CACNB2: variants seen among roughly 807,000 people sequenced by gnomAD.
CACNB2 encodes calcium voltage-gated channel auxiliary subunit beta 2.
CACNB2 carries 42 observed loss-of-function variants against 73.3 expected under a neutral mutation model. The ratio of observed to expected loss-of-function variants is 0.57; its 90% CI spans 0.45 to 0.74. The LOEUF (loss-of-function observed/expected upper bound fraction) is 0.74. CACNB2 is among the 30% of genes least tolerant of loss of function. CACNB2 has a pLI of 0.00. For missense variants in CACNB2, 940 were observed against 853.0 expected (o/e 1.10, Z -1.27); for synonymous variants, 348 against 310.3 (o/e 1.12, Z -1.28).
chr10:18,210,246 A>G (rs1229263573), intron 2 of CACNB2, among the ~76,000 whole-genome samples: 6 of 152,218 alleles, frequency 3.9e-5, no homozygotes, highest in African/African-American at 1.4e-4. Flanking sequence ...TCTTAAGCCA[A>G]TCTAAGTGTG....
intron 4 of CACNB2, among the ~76,000 whole-genome samples, chr10:18,500,611 G>T (rs968890010): frequency 6.6e-6 from 1 of 152,166 alleles, no homozygotes; most frequent in Non-Finnish European, 1.5e-5. Context: ...GACAAGGAAC[G>T]CAGAGCCTTT....
chr10:18,260,462 A>C, intron 2 of CACNB2: 9 of 985,400 alleles, frequency 9.1e-6, no homozygotes, highest in Non-Finnish European at 1.1e-5. Flanking sequence ...GCACCAAACA[A>C]CTGTGCGCCG....
chr10:18,369,279 C>T (rs896335497), intron 2 of CACNB2, among the ~76,000 whole-genome samples: 5 of 152,012 alleles, frequency 3.3e-5, no homozygotes, highest in Non-Finnish European at 4.4e-5. Context: ...TTTTTCTCCC[C>T]GTGAATCAAA....
rs115308745 is a variant in CACNB2, at chr10:18,321,537, A to G, written c.214-80387A>G. The stretch of plus-strand genomic sequence containing the variant: ...ATTTTTAAATCACTTGAAGAGTATA[A>G]ATGGACTGTTTGTAACTCACAGGAC... On this transcript the variant is annotated intron_variant, in intron 2 of 13. Coordinates refer to ENST00000324631, the MANE Select transcript of CACNB2 (RefSeq NM_201596.3). Among the ~76,000 whole-genome samples, 874 of 152,304 alleles carry G rather than the reference A, an allele frequency of 5.7e-3. 10 individuals carry two copies. Among genetic ancestry groups the G allele is most frequent in the African/African-American group, 0.02 (845 of 41,566 alleles).
intron 3 of CACNB2, among the ~76,000 whole-genome samples, chr10:18,421,941 T>C (rs1332837684): frequency 6.6e-6 from 1 of 152,198 alleles, no homozygotes; most frequent in Non-Finnish European, 1.5e-5. Flanking sequence ...CTGTAGTGTT[T>C]AGTCTAGTGT....
At chr10:18,380,964 G>A (rs938291837) in intron 2 of CACNB2, among the ~76,000 whole-genome samples, 3 of 151,966 alleles carry the variant, frequency 2.0e-5, no homozygotes, top group South Asian at 2.1e-4. Flanking sequence ...CCCTATGTGC[G>A]GAAATCTGTA....
chr10:18,381,505 T>G (rs1033321489), intron 2 of CACNB2, among the ~76,000 whole-genome samples: 1 of 151,866 alleles, frequency 6.6e-6, no homozygotes, highest in Non-Finnish European at 1.5e-5. Context: ...CTGGCCAATA[T>G]GGTGAAACCC....
intron 2 of CACNB2, among the ~76,000 whole-genome samples, chr10:18,364,211 C>T (rs866230636): frequency 2.8e-4 from 43 of 151,346 alleles, no homozygotes; most frequent in African/African-American, 9.2e-4. Flanking sequence ...ACCTCAGCCT[C>T]TCAAAGTGCT....
At chr10:18,245,072 A>G (rs564486537) in intron 2 of CACNB2, among the ~76,000 whole-genome samples, 1 of 125,896 alleles carries the variant, frequency 7.9e-6, no homozygotes, top group East Asian at 2.2e-4. Flanking sequence ...TCCAGAAGGA[A>G]CACAGCCTTG....
chr10:18,375,892 G>T (rs984616609), intron 2 of CACNB2, among the ~76,000 whole-genome samples: 5 of 152,096 alleles, frequency 3.3e-5, no homozygotes, highest in Middle Eastern at 3.2e-3. Context: ...TTAATCACTG[G>T]ATTAAAAACC....
In CACNB2 at chr10:18,220,232, TAGAGAGAGAGAG is replaced by T. The variant is rs1169176468; in HGVS notation, c.213+69289_213+69300del. 2.7e-3 allele frequency among the ~76,000 whole-genome samples: 67 copies of T among 25,080 alleles called. 3 individuals are homozygous for T. Among genetic ancestry groups the T allele is most frequent in the African/African-American group, 7.8e-3 (32 of 4,100 alleles). 16.5% of individuals were successfully genotyped at this position (25,080 alleles called of 152,430 possible). A position where few individuals can be genotyped will look rare whatever the true frequency, so the allele number is the denominator to read the frequency against. On this transcript the variant is annotated intron_variant, in intron 2 of 13. Transcript: ENST00000324631. Reference sequence around the variant, plus strand: ...ATATATATATATATATATATATATATAGAGAGAGAGAGAGAGAGAGAGAGAGAGAGAGAGAGA... The same window carrying T: ...ATATATATATATATATATATATATATAGAGAGAGAGAGAGAGAGAGAGAGA...
At chr10:18,384,193 A>G (rs1429292717) in intron 2 of CACNB2, among the ~76,000 whole-genome samples, 2 of 152,176 alleles carry the variant, frequency 1.3e-5, no homozygotes, top group Non-Finnish European at 2.9e-5. Flanking sequence ...GGACCAGCAT[A>G]TGGTGTCTTG....
At chr10:18,486,155 C>G (rs908737287) in intron 3 of CACNB2, among the ~76,000 whole-genome samples, 2 of 152,156 alleles carry the variant, frequency 1.3e-5, no homozygotes, top group African/African-American at 2.4e-5. Context: ...TAATCATGAT[C>G]AGAAATTTAT....
In CACNB2 at chr10:18,361,202, A is replaced by G. The variant is rs76307280; in HGVS notation, c.214-40722A>G. On this transcript the variant is annotated intron_variant, in intron 2 of 13. Transcript: ENST00000324631. ...GCTCATCCATTACCTTTATGTAGCCATCCTAAAGTAGACTTTTCAAAAATT... is the reference window on the plus strand; with the variant it reads ...GCTCATCCATTACCTTTATGTAGCCGTCCTAAAGTAGACTTTTCAAAAATT... Among the ~76,000 whole-genome samples the G allele has an allele frequency of 1.6e-3, 238 of 152,134 alleles. 6 individuals carry two copies. In the East Asian group the frequency reaches 0.039, roughly 25 times the overall value.
At chr10:18,474,779 C>T (rs534711512) in intron 3 of CACNB2, among the ~76,000 whole-genome samples, 1 of 152,036 alleles carries the variant, frequency 6.6e-6, no homozygotes, top group African/African-American at 2.4e-5. Flanking sequence ...GTTTTCCCCC[C>T]CAACAGCAAG....
At chr10:18,179,226 G>A (rs188804819) in intron 2 of CACNB2, among the ~76,000 whole-genome samples, 1 of 152,104 alleles carries the variant, frequency 6.6e-6, no homozygotes, top group Non-Finnish European at 1.5e-5. Context: ...CATATATGAG[G>A]AAGTCTGGAC....
In CACNB2 at chr10:18,354,530, A is replaced by C. The variant is rs186766871; in HGVS notation, c.214-47394A>C. ...GTCATGGTGTGGTTGATTGTGTTGG[A>C]TGAAGCTGAGGTCACAGAAGATGAA... is the stretch of plus-strand genomic sequence containing the variant. On this transcript the variant is annotated intron_variant, in intron 2 of 13. Coordinates refer to ENST00000324631, the MANE Select transcript of CACNB2 (RefSeq NM_201596.3). Among the ~76,000 whole-genome samples the C allele has an allele frequency of 2.6e-4, 40 of 152,280 alleles. No individual in the cohort carries two copies. The Middle Eastern group carries it at 0.024, about 91-fold the overall frequency.
At chr10:18,518,550 G>A (rs1589645696) in intron 8 of CACNB2, 134 bp downstream of exon 8, 1 of 749,412 alleles carries the variant, frequency 1.3e-6, no homozygotes, top group Non-Finnish European at 2.4e-6. Flanking sequence ...GCTCACAGCA[G>A]CAAAGCCTGT....
chr10:18,394,184 C>T (rs1442176850), intron 2 of CACNB2, among the ~76,000 whole-genome samples: 1 of 152,004 alleles, frequency 6.6e-6, no homozygotes, highest in Admixed American at 6.6e-5. Flanking sequence ...GTCTCGAATT[C>T]CTGACCTGGT....
Sources: allele counts gnomAD v4.1 joint callset (sites outside exome capture counted in the v4.1 genomes callset), GRCh38; gene constraint gnomAD v4.1.1; transcripts MANE v1.5; gene names NCBI Gene and HGNC (gene_info 2026-07-23, HGNC 2026-07-21).